Variants in MAF observed in about 807,000 individuals in gnomAD.
MAF encodes the protein transcription factor Maf.
MAF carries 10 observed loss-of-function variants against 22.0 expected under a neutral mutation model. The observed-to-expected ratio is 0.45, with a 90% CI of 0.28 to 0.77. The LOEUF is 0.77. Ranked by LOEUF, MAF falls within the 30% of genes least tolerant of loss-of-function variation. The pLI, the probability that MAF is intolerant of heterozygous loss-of-function variation, is 0.12. For missense variants in MAF, 544 were observed against 548.4 expected (o/e 0.99, Z 0.08); for synonymous variants, 337 against 255.8 (o/e 1.32, Z -3.03).
the MAF span, among the ~76,000 whole-genome samples, chr16:79,232,024 A>G: frequency 1.3e-5 from 2 of 151,852 alleles, no homozygotes; most frequent in African/African-American, 2.4e-5. Flanking sequence ...TCTTATGACA[A>G]TCTAATGCCA....
chr16:79,352,763 T>C, the MAF span, among the ~76,000 whole-genome samples: 1 of 152,074 alleles, frequency 6.6e-6, no homozygotes, highest in Non-Finnish European at 1.5e-5. Context: ...GGTAGGGGAA[T>C]TGTAGTGAAT....
At chr16:79,431,880 G>T in the MAF span, among the ~76,000 whole-genome samples, 1 of 152,186 alleles carries the variant, frequency 6.6e-6, no homozygotes, top group Admixed American at 6.5e-5. Context: ...AAGTGTTACA[G>T]GTTGAATTGC....
At chr16:79,398,464 G>A in the MAF span, among the ~76,000 whole-genome samples, 4 of 152,132 alleles carry the variant, frequency 2.6e-5, no homozygotes, top group African/African-American at 7.2e-5. Context: ...GCAGGGATGG[G>A]TGCATTATCC....
At chr16:79,392,521 C>G in the MAF span, among the ~76,000 whole-genome samples, 9 of 151,068 alleles carry the variant, frequency 6.0e-5, no homozygotes, top group South Asian at 4.2e-4. Flanking sequence ...GAGAGAGAAA[C>G]AAAGCCAGTA....
chr16:79,348,266 G>A, the MAF span, among the ~76,000 whole-genome samples: 3 of 152,238 alleles, frequency 2.0e-5, no homozygotes, highest in African/African-American at 7.2e-5. Context: ...GTGCAAGGCG[G>A]AGTAAATAAA....
At chr16:79,350,518 T>C in the MAF span, among the ~76,000 whole-genome samples, 1 of 152,178 alleles carries the variant, frequency 6.6e-6, no homozygotes, top group Non-Finnish European at 1.5e-5. Context: ...CAGCCCCCTT[T>C]GCAGTTAAAC....
the MAF span, among the ~76,000 whole-genome samples, chr16:79,442,439 G>A: frequency 6.6e-6 from 1 of 152,116 alleles, no homozygotes; most frequent in Non-Finnish European, 1.5e-5. Context: ...CAGCCCAGTT[G>A]TGGCTCACTG....
the MAF span, among the ~76,000 whole-genome samples, chr16:79,283,998 T>G: frequency 7.7e-4 from 20 of 25,828 alleles, 1 homozygote; most frequent in South Asian, 0.019. Flanking sequence ...CAAAGCCCCA[T>G]AGTAGTGATT....
At chr16:79,432,334 C>G in the MAF span, among the ~76,000 whole-genome samples, 1 of 152,108 alleles carries the variant, frequency 6.6e-6, no homozygotes, top group African/African-American at 2.4e-5. Flanking sequence ...TACTCAGTCT[C>G]GAGTATTTCC....
the MAF span, among the ~76,000 whole-genome samples, chr16:79,273,221 C>T: frequency 6.6e-5 from 10 of 152,236 alleles, no homozygotes; most frequent in East Asian, 3.9e-4. Context: ...GCCCCAACCC[C>T]GGCTGAGACA....
chr16:79,225,718 G>C, the MAF span, among the ~76,000 whole-genome samples: 1 of 152,142 alleles, frequency 6.6e-6, no homozygotes, highest in African/African-American at 2.4e-5. Flanking sequence ...AGTGGGCAAA[G>C]GATATAAACA....
At chr16:79,269,290 C>T in the MAF span, among the ~76,000 whole-genome samples, 1 of 152,152 alleles carries the variant, frequency 6.6e-6, no homozygotes, top group Non-Finnish European at 1.5e-5. Context: ...GGTCTGGGCA[C>T]CCGAGTGAGT....
chr16:79,229,050 G>A, the MAF span, among the ~76,000 whole-genome samples: 1 of 151,790 alleles, frequency 6.6e-6, no homozygotes, highest in East Asian at 1.9e-4. Flanking sequence ...AGCCCAATCA[G>A]CCACATTCTA....
the MAF span, among the ~76,000 whole-genome samples, chr16:79,282,989 C>A: frequency 2.0e-5 from 3 of 152,326 alleles, no homozygotes; most frequent in Admixed American, 2.0e-4. Context: ...GGGTTACTCA[C>A]AAATAGTCAA....
chr16:79,452,343 C>A, the MAF span, among the ~76,000 whole-genome samples: 54 of 151,990 alleles, frequency 3.6e-4, no homozygotes, highest in Non-Finnish European at 7.5e-4. Context: ...TAATGATGTG[C>A]CTATTTATTT....
At chr16:79,590,674 C>A (rs377729979), downstream of MAF, among the ~76,000 whole-genome samples, 6 of 151,956 alleles carry the variant, frequency 3.9e-5, no homozygotes, top group Non-Finnish European at 8.8e-5. Context: ...GTCAGTCACC[C>A]TGCAAACAGA....
At chr16:79,479,432 C>T in the MAF span, among the ~76,000 whole-genome samples, 12 of 152,308 alleles carry the variant, frequency 7.9e-5, no homozygotes, top group South Asian at 1.7e-3. Context: ...ACTGAGCATC[C>T]GTTTTAAGAC....
the MAF span, among the ~76,000 whole-genome samples, chr16:79,443,041 C>T: frequency 6.6e-6 from 1 of 152,164 alleles, no homozygotes; most frequent in Admixed American, 6.5e-5. Context: ...TCTAATGGGA[C>T]TGATTGGGGT....
the MAF span, among the ~76,000 whole-genome samples, chr16:79,261,768 G>C: frequency 6.6e-6 from 1 of 152,190 alleles, no homozygotes. Context: ...AAAATGATGA[G>C]GGCAGGGCCT....
Sources: gnomAD v4.1 joint callset for allele counts (sites outside exome capture counted in the v4.1 genomes callset) on GRCh38, gnomAD v4.1.1 for gene constraint, MANE v1.5 for transcripts, NCBI Gene and HGNC (gene_info 2026-07-23, HGNC 2026-07-21) for gene names.